ADAMTSL1: variants seen among roughly 807,000 people sequenced by gnomAD.
The protein encoded by ADAMTSL1 is ADAMTS-like protein 1.
In ADAMTSL1, 126 loss-of-function variants were observed where a neutral mutation model predicts 201.8. That is an observed-to-expected ratio of 0.62 (90% CI 0.54 to 0.72). The LOEUF (loss-of-function observed/expected upper bound fraction) is 0.72, where lower values mean the gene tolerates loss of function less well. Among genes scored for constraint, ADAMTSL1 ranks in the 30% least tolerant of loss-of-function variants. The pLI, the probability that ADAMTSL1 is intolerant of heterozygous loss-of-function variation, is 0.00. For missense variants in ADAMTSL1, 2,679 were observed against 2,277.8 expected, an observed-to-expected ratio of 1.18 and a Z score of -3.59; for synonymous variants, 1,121 against 903.4, an observed-to-expected ratio of 1.24 and a Z score of -4.32.
chr9:18,033,311 C>T (rs1563960348), intron 1 of ADAMTSL1, among the ~76,000 whole-genome samples: 2 of 152,158 alleles, frequency 1.3e-5, no homozygotes, highest in Non-Finnish European at 2.9e-5. Flanking sequence ...GCTTGAGTCA[C>T]TCATTCCACA....
chr9:18,425,373 C>T (rs1819162585), intron 2 of ADAMTSL1, among the ~76,000 whole-genome samples: 2 of 150,712 alleles, frequency 1.3e-5, no homozygotes, highest in South Asian at 4.3e-4. Flanking sequence ...ATTTCTTAGC[C>T]AAATTTGCTA....
intron 2 of ADAMTSL1, among the ~76,000 whole-genome samples, chr9:18,323,963 C>A (rs1416123934): frequency 1.3e-5 from 2 of 152,020 alleles, no homozygotes; most frequent in Non-Finnish European, 2.9e-5. Context: ...TTTTTGTAGA[C>A]ATTGACAAGC....
At chr9:18,198,645 T>C (rs2132263230) in intron 2 of ADAMTSL1, among the ~76,000 whole-genome samples, 1 of 123,612 alleles carries the variant, frequency 8.1e-6, no homozygotes, top group Admixed American at 8.6e-5. Context: ...ATAGGAACAC[T>C]TTTACACTGT....
intron 13 of ADAMTSL1, among the ~76,000 whole-genome samples, chr9:18,685,916 T>C (rs1830802808): frequency 6.6e-6 from 1 of 150,420 alleles, no homozygotes; most frequent in Non-Finnish European, 1.5e-5. Context: ...AAAACACTTT[T>C]TTTCCCTATT....
chr9:18,240,573 C>T (rs897217737), intron 2 of ADAMTSL1, among the ~76,000 whole-genome samples: 18 of 152,090 alleles, frequency 1.2e-4, no homozygotes, highest in African/African-American at 4.3e-4. Flanking sequence ...GTTAGACTGT[C>T]CTTCGAAGCA....
chr9:18,343,107 C>T (rs1835543607), intron 2 of ADAMTSL1, among the ~76,000 whole-genome samples: 1 of 151,662 alleles, frequency 6.6e-6, no homozygotes. Context: ...AGGAGGATTG[C>T]TTGAGGCCAG....
At chr9:18,483,199 T>C (rs1355191539) in intron 1 of ADAMTSL1, among the ~76,000 whole-genome samples, 1 of 152,230 alleles carries the variant, frequency 6.6e-6, no homozygotes, top group Non-Finnish European at 1.5e-5. Flanking sequence ...AAGTGTTTGA[T>C]GTGTTTGTTT....
chr9:18,051,490 G>T (rs73645708), intron 1 of ADAMTSL1, among the ~76,000 whole-genome samples: 3,938 of 151,816 alleles, frequency 0.026, 80 homozygotes, highest in African/African-American at 0.064. Flanking sequence ...AGCCCCTAAA[G>T]TTGGGTCCTC....
At chr9:18,831,717 G>A (rs983676234) in intron 23 of ADAMTSL1, among the ~76,000 whole-genome samples, 1 of 152,198 alleles carries the variant, frequency 6.6e-6, no homozygotes, top group Non-Finnish European at 1.5e-5. Flanking sequence ...CCATTTGAAT[G>A]AGACAGTGAG....
At chr9:18,813,625 A>G (rs1229725176) in intron 20 of ADAMTSL1, among the ~76,000 whole-genome samples, 1 of 152,190 alleles carries the variant, frequency 6.6e-6, no homozygotes, top group Non-Finnish European at 1.5e-5. Flanking sequence ...GTAGTTTACT[A>G]TTAGTATATA....
intron 1 of ADAMTSL1, among the ~76,000 whole-genome samples, chr9:18,136,920 G>T (rs1216934331): frequency 6.6e-6 from 1 of 152,108 alleles, no homozygotes; most frequent in Non-Finnish European, 1.5e-5. Flanking sequence ...TTGTAAGGAG[G>T]GTCAACAATG....
chr9:17,991,767 C>T (rs1181145388), intron 1 of ADAMTSL1, among the ~76,000 whole-genome samples: 7 of 152,262 alleles, frequency 4.6e-5, no homozygotes, highest in East Asian at 1.9e-4. Context: ...AGACTGTACA[C>T]GTGCATCCTT....
At chr9:18,113,581 G>A (rs1474150363) in intron 1 of ADAMTSL1, among the ~76,000 whole-genome samples, 1 of 152,078 alleles carries the variant, frequency 6.6e-6, no homozygotes. Context: ...AAAGCATTCA[G>A]TTTGAGGGTA....
chr9:18,377,125 C>T (rs561207079), intron 2 of ADAMTSL1, among the ~76,000 whole-genome samples: 26 of 152,258 alleles, frequency 1.7e-4, no homozygotes, highest in South Asian at 1.4e-3. Context: ...TTTGAGACAA[C>T]GGTTAAGACC....
intron 2 of ADAMTSL1, among the ~76,000 whole-genome samples, chr9:18,196,429 G>T (rs1361218545): frequency 1.3e-5 from 2 of 152,032 alleles, no homozygotes; most frequent in African/African-American, 2.4e-5. Flanking sequence ...AGGCTTAATT[G>T]TAAAAATGTG....
In ADAMTSL1 at chr9:18,271,606, T is replaced by C. The variant is rs371804715; in HGVS notation, c.207+107625T>C. On this transcript the variant is annotated intron_variant, in intron 2 of 29. Coordinates refer to the ADAMTSL1 transcript ENST00000680146. ...GACATTTGAGTTGGTTCCAAGTCTT[T>C]GGTATTGTGAATAGTGCCGCAATAA... 1.9e-3 allele frequency among the ~76,000 whole-genome samples: 288 copies of C among 152,306 alleles called. 3 individuals are homozygous for C. The East Asian group carries it at 0.024, about 13-fold the overall frequency.
intron 1 of ADAMTSL1, among the ~76,000 whole-genome samples, chr9:18,134,264 T>C (rs1432636379): frequency 6.6e-6 from 1 of 152,150 alleles, no homozygotes; most frequent in Non-Finnish European, 1.5e-5. Context: ...ACTGACAGGA[T>C]GTCCGGTGTG....
At chr9:18,382,269 T>C (rs761920416) in intron 2 of ADAMTSL1, among the ~76,000 whole-genome samples, 2 of 152,166 alleles carry the variant, frequency 1.3e-5, no homozygotes, top group Non-Finnish European at 2.9e-5. Flanking sequence ...AGGATGTCAG[T>C]GAAGACTACG....
intron 5 of ADAMTSL1, among the ~76,000 whole-genome samples, chr9:18,634,881 A>C (rs1216356689): frequency 7.0e-6 from 1 of 141,868 alleles, no homozygotes; most frequent in Non-Finnish European, 1.5e-5. Flanking sequence ...ATATTTATAT[A>C]TATAAATATG....
Sources: allele counts gnomAD v4.1 joint callset (sites outside exome capture counted in the v4.1 genomes callset), GRCh38; gene constraint gnomAD v4.1.1; transcripts MANE v1.5; gene names NCBI Gene and HGNC (gene_info 2026-07-23, HGNC 2026-07-21).